The following CIBAR1 variants were observed in gnomAD, a reference collection of about 807,000 sequenced individuals.
The protein encoded by CIBAR1 is CBY1-interacting BAR domain-containing protein 1.
CIBAR1 carries 25 observed loss-of-function variants against 44.0 expected under a neutral mutation model. The observed-to-expected ratio is 0.57, with a 90% CI of 0.41 to 0.79. The LOEUF (loss-of-function observed/expected upper bound fraction) is 0.79, where lower values mean the gene tolerates loss of function less well. Ranked by LOEUF, CIBAR1 falls within the 30% of genes least tolerant of loss-of-function variation. CIBAR1 has a pLI of 0.00. For synonymous variants in CIBAR1, 115 were observed against 119.0 expected, an observed-to-expected ratio of 0.97 and a Z score of 0.22; for missense variants, 278 against 344.8, an observed-to-expected ratio of 0.81 and a Z score of 1.53.
chr8:93,702,546 A>G (rs759099448), intron 2 of CIBAR1: 16 of 455,820 alleles, frequency 3.5e-5, no homozygotes, highest in Non-Finnish European at 6.2e-5. Context: ...ACAAAAAGGT[A>G]GGCAACAAAA....
At chr8:93,728,168 G>C in intron 8 of CIBAR1, 37 bp from the exon 9 acceptor site, 2 of 1,340,162 alleles carry the variant, frequency 1.5e-6, no homozygotes, top group Non-Finnish European at 2.0e-6. Flanking sequence ...TTTTAAGTTA[G>C]TATTTTTATT....
At chr8:93,703,119 G>A (rs927059517) in intron 2 of CIBAR1, among the ~76,000 whole-genome samples, 3 of 152,022 alleles carry the variant, frequency 2.0e-5, no homozygotes, top group Admixed American at 6.5e-5. Context: ...TGTAGGCTTC[G>A]ATAATTCACA....
chr8:93,728,060 G>A, intron 8 of CIBAR1, 145 bp from the exon 9 acceptor site: 1 of 465,446 alleles, frequency 2.1e-6, no homozygotes, highest in South Asian at 6.0e-5. Flanking sequence ...AAATTCATAG[G>A]GAATTTTCAC....
At chr8:93,704,859 A>C in intron 3 of CIBAR1, 50 bp from the exon 4 acceptor site, 1 of 1,146,844 alleles carries the variant, frequency 8.7e-7, no homozygotes, top group Non-Finnish European at 1.3e-6. Context: ...CTTAAAACTG[A>C]ATTTTCTTAA....
rs566920529 is a variant in CIBAR1 at position 93,721,631 on chromosome 8, A to G, written c.657+2843A>G. ...CTTTCTAAAATGGAGATACTGTAGT[A>G]CTTACCTCATATAGTGTTTGTTCAA... is the stretch of plus-strand genomic sequence containing the variant. On this transcript the variant is annotated intron_variant, in intron 7 of 8. Transcript: ENST00000518322. Among the ~76,000 whole-genome samples, 93 of 152,308 alleles carry G rather than the reference A, an allele frequency of 6.1e-4. 2 individuals carry two copies. The South Asian group carries it at 0.019, about 31-fold the overall frequency.
At chr8:93,718,545 T>C (rs1383972103) in intron 6 of CIBAR1, 130 bp from the exon 7 acceptor site, 1 of 483,418 alleles carries the variant, frequency 2.1e-6, no homozygotes, top group East Asian at 3.2e-5. Context: ...TTTTGTACTT[T>C]ATTTACCCTA....
At chr8:93,726,585 C>T (rs1811516356) in intron 8 of CIBAR1, 72 bp downstream of exon 8, 1 of 1,560,902 alleles carries the variant, frequency 6.4e-7, no homozygotes, top group African/African-American at 1.4e-5. Flanking sequence ...AAAAATGTTT[C>T]CCCTCAGTCA....
chr8:93,707,428 C>G (rs1026678942), intron 4 of CIBAR1: 10 of 208,418 alleles, frequency 4.8e-5, no homozygotes, highest in Non-Finnish European at 1.0e-4. Flanking sequence ...TCTACTTACT[C>G]TTCTAAATTT....
intron 7 of CIBAR1, among the ~76,000 whole-genome samples, chr8:93,719,123 C>T (rs1811148436): frequency 6.6e-6 from 1 of 152,102 alleles, no homozygotes; most frequent in Non-Finnish European, 1.5e-5. Flanking sequence ...CTCGGCCTCC[C>T]AAAGTGCTGG....
At chr8:93,707,791 A>C (rs1810657717) in intron 4 of CIBAR1, among the ~76,000 whole-genome samples, 1 of 152,186 alleles carries the variant, frequency 6.6e-6, no homozygotes, top group African/African-American at 2.4e-5. Flanking sequence ...ATGTATATAC[A>C]AACACAGAGA....
At chr8:93,714,248 ATTTCAT>A (rs1217157750) in intron 6 of CIBAR1, among the ~76,000 whole-genome samples, 1 of 151,962 alleles carries the variant, frequency 6.6e-6, no homozygotes, top group Non-Finnish European at 1.5e-5. Flanking sequence ...TGTTTTCCTA[ATTTCAT>A]TTTCAGATTG....
At chr8:93,718,604 A>G in intron 6 of CIBAR1, 71 bp from the exon 7 acceptor site, 2 of 801,072 alleles carry the variant, frequency 2.5e-6, no homozygotes, top group Non-Finnish European at 4.0e-6. Context: ...GACTATAGTG[A>G]GGAATAAAGT....
intron 2 of CIBAR1, chr8:93,702,516 G>A (rs1810405051): frequency 2.2e-6 from 1 of 455,406 alleles, no homozygotes. Flanking sequence ...ACCAAATGGT[G>A]GAGGTCCTAA....
Position 93,704,976 on chromosome 8 carries a change from C to G in CIBAR1, c.398C>G (p.Thr133Arg), listed in dbSNP as rs1011592414. Residue 133 changes from threonine (T) to arginine (R), a missense_variant, in exon 4 of 9, where the codon ACA becomes AGA. Transcript: ENST00000518322. ...AAGCAATTAACTCAGTTAGAAAGAA[C>G]ACGTCAGCGAAACCCATCTGATCGA... is the stretch of plus-strand genomic sequence containing the variant. ...EAKQLTQLER[T>R]RQRNPSDRHV... is the part of the protein sequence containing the mutation. The G allele has an allele frequency of 6.2e-7, 1 of 1,612,994 alleles. No individual in the cohort carries two copies. The highest frequency in any genetic ancestry group is 8.5e-7 in the Non-Finnish European group (1 of 1,179,478).
intron 3 of CIBAR1, 83 bp downstream of exon 3, chr8:93,703,771 A>C: frequency 1.6e-6 from 2 of 1,221,564 alleles, no homozygotes; most frequent in Non-Finnish European, 2.3e-6. Context: ...TAAATAAGAA[A>C]TACAAAGTAG....
At chr8:93,715,874 C>G (rs1047024928) in intron 6 of CIBAR1, 1 of 152,124 alleles carries the variant, frequency 6.6e-6, no homozygotes, top group Non-Finnish European at 1.5e-5. Context: ...AAACAGCAGC[C>G]TTTGTGCTGG....
chr8:93,724,671 G>A, intron 7 of CIBAR1: 1 of 1,175,604 alleles, frequency 8.5e-7, no homozygotes, highest in South Asian at 1.6e-5. Flanking sequence ...CATTGTAATA[G>A]CTAATCTAGA....
At position 93,726,326 on chromosome 8, in the gene CIBAR1, GA is replaced by G. The variant is rs1586296462; in HGVS notation, c.658-66del. ...TTTTTAAAAAAAAATCTTAACTAAG[GA>G]ACTTAATTTGACTGTCTTGATTTTG... On this transcript the variant is annotated intron_variant, in intron 7 of 8. Coordinates refer to ENST00000518322, the MANE Select transcript of CIBAR1 (RefSeq NM_145269.5). The G allele has an allele frequency of 2.9e-5, 40 of 1,364,030 alleles. No homozygotes were observed. In the East Asian group the frequency reaches 1.0e-3, roughly 36 times the overall value. The allele number at this position is 1,364,030 out of a possible 1,614,324, so 84.5% of individuals were successfully genotyped here.
intron 6 of CIBAR1, among the ~76,000 whole-genome samples, chr8:93,714,380 A>G (rs752729542): frequency 9.2e-5 from 14 of 152,206 alleles, no homozygotes; most frequent in Non-Finnish European, 1.8e-4. Flanking sequence ...AATTTTCCAC[A>G]TATAAATTCT....
Sources: gnomAD v4.1 joint callset for allele counts (sites outside exome capture counted in the v4.1 genomes callset) on GRCh38, gnomAD v4.1.1 for gene constraint, MANE v1.5 for transcripts, NCBI Gene and HGNC (gene_info 2026-07-23, HGNC 2026-07-21) for gene names.